Variants in KIF15 observed in about 807,000 individuals in gnomAD.
KIF15 encodes kinesin family member 15.
A neutral mutation model predicts 190.6 loss-of-function variants in KIF15; 140 were observed. The observed-to-expected ratio is 0.73, with a 90% CI of 0.64 to 0.84. The LOEUF (loss-of-function observed/expected upper bound fraction) is 0.84. Among genes scored for constraint, KIF15 ranks in the 40% least tolerant of loss-of-function variants. The pLI is 0.00. For synonymous variants in KIF15, 528 were observed against 551.3 expected (o/e 0.96, Z 0.59); for missense variants, 1,372 against 1,584.4 (o/e 0.87, Z 2.28).
At chr3:44,829,093 C>T (rs1575659101) in intron 24 of KIF15, among the ~76,000 whole-genome samples, 2 of 151,750 alleles carry the variant, frequency 1.3e-5, no homozygotes, top group South Asian at 4.2e-4. Flanking sequence ...CGCAGTGGCT[C>T]ATGTCTGTAA....
intron 14 of KIF15, among the ~76,000 whole-genome samples, chr3:44,803,580 G>A (rs1271892752): frequency 6.6e-6 from 1 of 152,154 alleles, no homozygotes; most frequent in Non-Finnish European, 1.5e-5. Flanking sequence ...CATACCCTGG[G>A]ATTTGGTAAC....
intron 16 of KIF15, among the ~76,000 whole-genome samples, chr3:44,809,366 T>C (rs994798574): frequency 2.0e-5 from 3 of 152,196 alleles, no homozygotes; most frequent in African/African-American, 7.2e-5. Context: ...TCCTCCATCA[T>C]GTTGCTTGTC....
intron 28 of KIF15, 151 bp downstream of exon 28, chr3:44,840,607 G>A (rs1230216648): frequency 2.3e-6 from 1 of 442,562 alleles, no homozygotes; most frequent in Non-Finnish European, 4.0e-6. Context: ...GAAAGTAGCA[G>A]TCTTTTATTT....
At chr3:44,855,494 T>C (rs1699179428), downstream of KIF15, among the ~76,000 whole-genome samples, 1 of 152,190 alleles carries the variant, frequency 6.6e-6, no homozygotes, top group Non-Finnish European at 1.5e-5. Context: ...TCCTGTCTTC[T>C]TATATTAATA....
rs773671709 is a variant in KIF15 at position 44,843,134 on chromosome 3, C to T, written c.3595C>T (p.Arg1199Cys). 15 of 1,610,284 alleles carry T rather than the reference C, an allele frequency of 9.3e-6. No individual in the cohort carries two copies. Among genetic ancestry groups the T allele is most frequent in the Middle Eastern group, 1.6e-4 (1 of 6,078 alleles). Reference sequence around the variant, plus strand: ...GATTTGATGTTATTAGGAGCAGTTGCGTGAAATGGAAAACCTACGCCTGGA... The same window carrying T: ...GATTTGATGTTATTAGGAGCAGTTGTGTGAAATGGAAAACCTACGCCTGGA... Reference protein sequence around the residue: ...AEILRMKEQLREMENLRLESQ... With the variant: ...AEILRMKEQLCEMENLRLESQ... The change falls in exon 30 of 35, where the codon CGT (arginine) becomes TGT (cysteine). Residue 1199 changes from arginine (R) to cysteine (C), a missense_variant. Arg to Cys is a radical substitution (Grantham distance 180). Transcript: ENST00000326047.
At chr3:44,801,210 G>A (rs1284462293) in intron 11 of KIF15, among the ~76,000 whole-genome samples, 3 of 148,728 alleles carry the variant, frequency 2.0e-5, no homozygotes, top group East Asian at 2.0e-4. Flanking sequence ...GGGGGCGGCG[G>A]GAGGGGGGGG....
At chr3:44,766,872 G>A (rs972701817) in intron 1 of KIF15, among the ~76,000 whole-genome samples, 10 of 139,192 alleles carry the variant, frequency 7.2e-5, no homozygotes, top group South Asian at 2.2e-4. Flanking sequence ...GTGCAGTGGC[G>A]TGATCTCGGC....
intron 6 of KIF15, chr3:44,864,257 T>G: frequency 3.7e-6 from 6 of 1,614,228 alleles, no homozygotes; most frequent in Non-Finnish European, 5.1e-6. Context: ...TTCTCTGATG[T>G]GGACCTTCTT....
intron 6 of KIF15, chr3:44,864,356 A>AAATCT: frequency 1.2e-6 from 2 of 1,613,916 alleles, no homozygotes; most frequent in Non-Finnish European, 1.7e-6. Flanking sequence ...GAGTAGCCTG[A>AAATCT]GGGTGTGGTG....
chr3:44,853,477 G>C (rs891667150), downstream of KIF15, among the ~76,000 whole-genome samples: 1 of 152,164 alleles, frequency 6.6e-6, no homozygotes, highest in Non-Finnish European at 1.5e-5. Flanking sequence ...ATTGTTTCCA[G>C]TTTAGGACTA....
At chr3:44,768,944 A>G (rs1425806566) in intron 1 of KIF15, among the ~76,000 whole-genome samples, 1 of 152,190 alleles carries the variant, frequency 6.6e-6, no homozygotes, top group Admixed American at 6.5e-5. Context: ...GTCATGCTCG[A>G]AAATCCCGAG....
chr3:44,777,340 T>G (rs1705939545), intron 3 of KIF15, among the ~76,000 whole-genome samples: 1 of 152,160 alleles, frequency 6.6e-6, no homozygotes, highest in South Asian at 2.1e-4. Context: ...TGGATGTTTT[T>G]GGGCCAACAT....
intron 1 of KIF15, 145 bp downstream of exon 1, chr3:44,762,029 G>T: frequency 1.0e-6 from 1 of 984,982 alleles, no homozygotes; most frequent in Non-Finnish European, 1.6e-6. Flanking sequence ...TGGGAATCCC[G>T]CTCTGTCGCT....
intron 5 of KIF15, among the ~76,000 whole-genome samples, chr3:44,783,679 CTG>C (rs1463657636): frequency 1.3e-5 from 2 of 152,146 alleles, no homozygotes; most frequent in Admixed American, 1.3e-4. Flanking sequence ...TTTTCTACCT[CTG>C]TTATATATTT....
intron 10 of KIF15, among the ~76,000 whole-genome samples, 181 bp from the exon 11 acceptor site, chr3:44,800,133 A>G (rs1707195607): frequency 6.6e-6 from 1 of 152,174 alleles, no homozygotes; most frequent in Non-Finnish European, 1.5e-5. Context: ...CTGAAGGCAC[A>G]AGAAAAGGAA....
intron 30 of KIF15, among the ~76,000 whole-genome samples, chr3:44,846,579 CCTGA>C (rs1698856486): frequency 6.6e-6 from 1 of 151,816 alleles, no homozygotes; most frequent in African/African-American, 2.4e-5. Flanking sequence ...TTGAGACCAG[CCTGA>C]CTAACATGGT....
rs375902164 is a variant in KIF15 at position 44,828,297 on chromosome 3, T to A, written c.2940T>A (p.Asp980Glu). 6.2e-7 allele frequency: 1 copy of A among 1,604,622 alleles called. No individual in the cohort carries two copies. Among genetic ancestry groups the A allele is most frequent in the East Asian group, 2.2e-5 (1 of 44,796 alleles). Residue 980 changes from aspartate to glutamate, a missense_variant, in exon 24 of 35, where the codon GAT becomes GAA. Asp to Glu is a conservative substitution (Grantham distance 45). Coordinates refer to ENST00000326047, the MANE Select transcript of KIF15 (RefSeq NM_020242.3). The stretch of plus-strand genomic sequence containing the variant: ...CCCTGGAAAAGTCTAGAGATTCTGA[T>A]AAGGTTGGTAGAGTTTGAAGCTACA... ...ISSLEKSRDSDKKVVADLMNQ... is the reference protein window; with the variant it reads ...ISSLEKSRDSEKKVVADLMNQ...
rs1278694209 is a variant in KIF15, at chr3:44,794,212, C to T, written c.640-5C>T. The T allele has an allele frequency of 6.2e-7, 1 of 1,609,334 alleles. No individual in the cohort carries two copies. Among genetic ancestry groups the T allele is most frequent in the African/African-American group, 1.3e-5 (1 of 74,772 alleles). Reference sequence around the variant, plus strand: ...TTTCTTTTAATATGTTTTCCTTTTGCATAGGTGTTGTCTGGAGGATGGAGG... The same window carrying T: ...TTTCTTTTAATATGTTTTCCTTTTGTATAGGTGTTGTCTGGAGGATGGAGG... On this transcript the variant is annotated splice_region_variant and splice_polypyrimidine_tract_variant and intron_variant, in intron 7 of 34. Transcript: ENST00000326047.
chr3:44,821,415 T>C (rs1290962523), intron 20 of KIF15, among the ~76,000 whole-genome samples: 2 of 123,786 alleles, frequency 1.6e-5, no homozygotes, highest in Middle Eastern at 4.7e-3. Flanking sequence ...GACGGGGCGG[T>C]CGGGCAGAGA....
Sources: allele counts gnomAD v4.1 joint callset (sites outside exome capture counted in the v4.1 genomes callset), GRCh38; gene constraint gnomAD v4.1.1; transcripts MANE v1.5; gene names NCBI Gene and HGNC (gene_info 2026-07-23, HGNC 2026-07-21).